Variants in HRH1 observed in about 807,000 individuals in gnomAD.
The protein encoded by HRH1 is histamine receptor H1.
HRH1 carries 6 observed loss-of-function variants against 10.3 expected under a neutral mutation model. The ratio of observed to expected loss-of-function variants is 0.58; its 90% CI spans 0.32 to 1.15. The LOEUF (loss-of-function observed/expected upper bound fraction) is 1.15. HRH1 is among the 50% of genes most tolerant of loss of function. The probability of loss-of-function intolerance (pLI) is 0.05; values close to 1 mark genes in which losing one functional copy is unlikely to be tolerated. For missense variants in HRH1, 514 were observed against 615.3 expected, an observed-to-expected ratio of 0.84 and a Z score of 1.74; for synonymous variants, 242 against 236.7, an observed-to-expected ratio of 1.02 and a Z score of -0.21.
At chr3:11,144,337 A>G (rs1936358952) in intron 1 of HRH1, among the ~76,000 whole-genome samples, 1 of 70,662 alleles carries the variant, frequency 1.4e-5, no homozygotes, top group Non-Finnish European at 2.7e-5. Context: ...TAAAAATGTG[A>G]TATGTATATG....
rs1193529406 is a variant in HRH1, at chr3:11,262,829, A to G, written c.*2328A>G. ...GTCTAAGGAACAAGGTCTATGCATT[A>G]TTGTATACAGTGTCTCTAGTGCTTG... On this transcript the variant is annotated 3_prime_UTR_variant, in exon 2 of 2. Coordinates refer to ENST00000431010, the MANE Select transcript of HRH1 (RefSeq NM_001098212.2). 6.0e-6 allele frequency: 1 copy of G among 167,148 alleles called. No homozygotes were observed. 10.4% of individuals were successfully genotyped at this position (167,148 alleles called of 1,614,324 possible). A position where few individuals can be genotyped will look rare whatever the true frequency, so the allele number is the denominator to read the frequency against.
upstream of HRH1, among the ~76,000 whole-genome samples, chr3:11,152,375 A>G (rs1936653826): frequency 6.6e-6 from 1 of 152,182 alleles, no homozygotes; most frequent in Non-Finnish European, 1.5e-5. Flanking sequence ...CAAATGCCAC[A>G]GCAAAACAAC....
chr3:11,203,037 T>C (rs1937988765), intron 1 of HRH1, among the ~76,000 whole-genome samples: 2 of 152,186 alleles, frequency 1.3e-5, no homozygotes, highest in Admixed American at 1.3e-4. Context: ...TTCTTTCACT[T>C]AATAGTATGC....
intron 1 of HRH1, among the ~76,000 whole-genome samples, chr3:11,170,716 T>C (rs1460375825): frequency 6.6e-6 from 1 of 152,214 alleles, no homozygotes; most frequent in Non-Finnish European, 1.5e-5. Flanking sequence ...GGAGCACTTA[T>C]CTCAGCCTGA....
chr3:11,155,407 A>G, intron 1 of HRH1, among the ~76,000 whole-genome samples: 1 of 152,214 alleles, frequency 6.6e-6, no homozygotes, highest in East Asian at 1.9e-4. Flanking sequence ...CCAGGAAGCC[A>G]GGAGCAGGAG....
At chr3:11,140,504 C>T (rs1175703499) in intron 1 of HRH1, among the ~76,000 whole-genome samples, 2 of 152,128 alleles carry the variant, frequency 1.3e-5, no homozygotes, top group African/African-American at 4.8e-5. Context: ...CTCGTACACC[C>T]TGGGAGCCCC....
At position 11,220,345 on chromosome 3, in the gene HRH1, C is replaced by T. The variant is rs1339930434; in HGVS notation, c.-35-38658C>T. On this transcript the variant is annotated intron_variant, in intron 1 of 1. Transcript: ENST00000431010. ...TGGTAAAGCCGCCTGTCTCTGAGGC[C>T]GGTTACCTCATCACTGTCCTGAGAA... 2.6e-5 allele frequency among the ~76,000 whole-genome samples: 4 copies of T among 152,116 alleles called. 1 individual carries two copies. The highest frequency in any genetic ancestry group is 4.1e-4 in the South Asian group (2 of 4,826).
chr3:11,202,166 G>A (rs937847106), intron 1 of HRH1, among the ~76,000 whole-genome samples: 1 of 152,218 alleles, frequency 6.6e-6, no homozygotes, highest in African/African-American at 2.4e-5. Context: ...CACTTTGGGA[G>A]GCCAAGGGGG....
chr3:11,151,728 T>C (rs1936632215), upstream of HRH1, among the ~76,000 whole-genome samples: 1 of 152,134 alleles, frequency 6.6e-6, no homozygotes, highest in South Asian at 2.1e-4. Flanking sequence ...CTCAAACTCC[T>C]GAGCTCAAGT....
In HRH1 at chr3:11,260,659, A is replaced by G. The variant is rs1939931414; in HGVS notation, c.*158A>G. The G allele has an allele frequency of 1.5e-6, 1 of 659,988 alleles. No homozygotes were observed. The highest frequency in any genetic ancestry group is 2.9e-5 in the Admixed American group (1 of 34,826). The allele number at this position is 659,988 out of a possible 1,614,324, so 40.9% of individuals were successfully genotyped here. A position where few individuals can be genotyped will look rare whatever the true frequency, so the allele number is the denominator to read the frequency against. On this transcript the variant is annotated 3_prime_UTR_variant, in exon 2 of 2. Transcript: ENST00000431010. The stretch of plus-strand genomic sequence containing the variant: ...AGTTTGGAAAGTTCTTAGGCACCAT[A>G]GAAGAACAGCAGATGGCGGTGATCA...
Position 11,246,986 on chromosome 3 carries a change from A to G in HRH1, c.-35-12017A>G, listed in dbSNP as rs375753058. ...GGATTGCTTGAATCATTTTCTGTCA[A>G]ATATAATTGTTAGATGATAAATAGT... On this transcript the variant is annotated intron_variant, in intron 1 of 1. Transcript: ENST00000431010. 4.6e-5 allele frequency among the ~76,000 whole-genome samples: 7 copies of G among 152,242 alleles called. No individual in the cohort carries two copies. The East Asian group carries it at 9.6e-4, about 21-fold the overall frequency.
intron 1 of HRH1, among the ~76,000 whole-genome samples, chr3:11,168,077 G>A (rs1287391327): frequency 6.6e-6 from 1 of 152,144 alleles, no homozygotes; most frequent in African/African-American, 2.4e-5. Context: ...TTCTACGTAG[G>A]GTGGGATGGG....
intron 1 of HRH1, among the ~76,000 whole-genome samples, chr3:11,167,665 C>T (rs1937071972): frequency 1.3e-5 from 2 of 152,248 alleles, no homozygotes; most frequent in Non-Finnish European, 2.9e-5. Context: ...TCACATTCAG[C>T]CTCCTAAGAG....
At chr3:11,151,467 A>G (rs1936619691), upstream of HRH1, among the ~76,000 whole-genome samples, 1 of 151,464 alleles carries the variant, frequency 6.6e-6, no homozygotes, top group South Asian at 2.1e-4. Flanking sequence ...GTTACCTGCA[A>G]TCAAAAGAAA....
chr3:11,258,242 CAAAAAAAAAAAA>C (rs33992856), intron 1 of HRH1, among the ~76,000 whole-genome samples: 2 of 76,404 alleles, frequency 2.6e-5, no homozygotes, highest in African/African-American at 5.6e-5. Flanking sequence ...TGATGTAAGC[CAAAAAAAAAAAA>C]AAAAAAAAAA....
rs114469359 is a variant in HRH1, at chr3:11,230,217, C to T, written c.-35-28786C>T. 2.2e-3 allele frequency among the ~76,000 whole-genome samples: 341 copies of T among 152,288 alleles called. 1 individual carries two copies. Among genetic ancestry groups the T allele is most frequent in the African/African-American group, 7.8e-3 (325 of 41,548 alleles). ...AGATGAGAGAGACCAAGTCCCAGGGCCTGACTCCAGGTCTAAGGTAGTGAA... is the reference window on the plus strand; with the variant it reads ...AGATGAGAGAGACCAAGTCCCAGGGTCTGACTCCAGGTCTAAGGTAGTGAA... On this transcript the variant is annotated intron_variant, in intron 1 of 1. Coordinates refer to ENST00000431010, the MANE Select transcript of HRH1 (RefSeq NM_001098212.2).
At chr3:11,229,449 G>A (rs1211950919) in intron 1 of HRH1, among the ~76,000 whole-genome samples, 1 of 152,162 alleles carries the variant, frequency 6.6e-6, no homozygotes, top group Non-Finnish European at 1.5e-5. Flanking sequence ...AATATATGAC[G>A]AGATTTAAGA....
In HRH1 at chr3:11,259,957, T is replaced by C. The variant is rs1201527153; in HGVS notation, c.920T>C (p.Ile307Thr). 6.2e-7 allele frequency: 1 copy of C among 1,614,066 alleles called. No individual in the cohort carries two copies. Among genetic ancestry groups the C allele is most frequent in the African/African-American group, 1.3e-5 (1 of 74,918 alleles). ...AAACTCTACTGCTTTCCACTTGATA[T>C]TGTGCACATGCAGGCTGCGGCAGAG... ...VDKLYCFPLDIVHMQAAAEGS... is the reference protein window; with the variant it reads ...VDKLYCFPLDTVHMQAAAEGS... Residue 307 changes from isoleucine (I) to threonine (T), a missense_variant, in exon 2 of 2, where the codon ATT becomes ACT. Coordinates refer to ENST00000431010, the MANE Select transcript of HRH1 (RefSeq NM_001098212.2). This position sits in a 1 kb window ranked among gnomAD's most constrained non-coding sequence, Gnocchi z 4.6.
At chr3:11,186,920 C>T (rs747358145) in intron 1 of HRH1, among the ~76,000 whole-genome samples, 1 of 152,118 alleles carries the variant, frequency 6.6e-6, no homozygotes, top group Non-Finnish European at 1.5e-5. Context: ...GGGCTTGGAG[C>T]AATTGAAGAA....
Sources: allele counts gnomAD v4.1 joint callset (sites outside exome capture counted in the v4.1 genomes callset), GRCh38; gene constraint gnomAD v4.1.1; non-coding constraint Gnocchi (gnomAD v3.1); transcripts MANE v1.5; gene names NCBI Gene and HGNC (gene_info 2026-07-23, HGNC 2026-07-21).